ING5: variants seen among roughly 807,000 people sequenced by gnomAD.
ING5 encodes the protein inhibitor of growth family member 5.
A neutral mutation model predicts 37.4 loss-of-function variants in ING5; 17 were observed. That is an observed-to-expected ratio of 0.45 (90% CI 0.31 to 0.68). The LOEUF is 0.68. Ranked by LOEUF, ING5 falls within the 30% of genes least tolerant of loss-of-function variation. The probability of loss-of-function intolerance (pLI) is 0.05; values close to 1 mark genes in which losing one functional copy is unlikely to be tolerated. For synonymous variants in ING5, 123 were observed against 116.6 expected (o/e 1.06, Z -0.36); for missense variants, 233 against 311.9 (o/e 0.75, Z 1.91).
intron 5 of ING5, 78 bp from the exon 6 acceptor site, chr2:241,722,861 A>G: frequency 1.3e-6 from 2 of 1,586,014 alleles, no homozygotes; most frequent in Non-Finnish European, 1.7e-6. Context: ...TAAGTCAGAG[A>G]CAGAAGGGCC....
chr2:241,721,645 A>G, intron 5 of ING5: 1 of 985,466 alleles, frequency 1.0e-6, no homozygotes, highest in Non-Finnish European at 1.2e-6. Flanking sequence ...CCTCCTGCTA[A>G]CCTGCTGTGT....
At chr2:241,719,841 G>A (rs1356103576) in intron 5 of ING5, 4 of 1,405,672 alleles carry the variant, frequency 2.8e-6, no homozygotes, top group Admixed American at 3.0e-5. Flanking sequence ...CGGAGCCTGG[G>A]AGCTCAGCGC....
rs2070398122 is a variant in ING5, at chr2:241,720,286, C to T, written c.483-2653C>T. 3 of 1,227,646 alleles carry T rather than the reference C, an allele frequency of 2.4e-6. No homozygotes were observed. The African/African-American group carries it at 4.7e-5, about 19-fold the overall frequency. 76.0% of individuals were successfully genotyped at this position (1,227,646 alleles called of 1,614,324 possible). ...CCATCAGCACAGTGGGTATTCACGCCCCTCGTGGTCACGCTGTGGTGCCAG... is the reference window on the plus strand; with the variant it reads ...CCATCAGCACAGTGGGTATTCACGCTCCTCGTGGTCACGCTGTGGTGCCAG... On this transcript the variant is annotated intron_variant, in intron 5 of 7. Coordinates refer to ENST00000313552, the MANE Select transcript of ING5 (RefSeq NM_032329.6).
At position 241,719,651 on chromosome 2, in the gene ING5, C is replaced by T. The variant is rs995541485; in HGVS notation, c.483-3288C>T. ...AAGGAATGCAGGCACTGGGGGTCCT[C>T]GTGGGGGTGAAGGAGACTCCAGCTC... On this transcript the variant is annotated intron_variant, in intron 5 of 7. Coordinates refer to ENST00000313552, the MANE Select transcript of ING5 (RefSeq NM_032329.6). The T allele has an allele frequency of 2.5e-5, 38 of 1,535,090 alleles. No individual in the cohort carries two copies. In the Admixed American group the frequency reaches 4.3e-4, roughly 17 times the overall value.
At chr2:241,701,928 G>A (rs1202878954), upstream of ING5, 10 of 405,452 alleles carry the variant, frequency 2.5e-5, no homozygotes, top group Middle Eastern at 7.0e-4. Flanking sequence ...GAAGCTGAAA[G>A]GCGTGTCCGA....
rs996810737 is a variant in ING5, at chr2:241,702,233, G to C, written c.37+131G>C. On this transcript the variant is annotated intron_variant, in intron 1 of 7. Coordinates refer to ENST00000313552, the MANE Select transcript of ING5 (RefSeq NM_032329.6). ...GCGGCGGGCGCGGCCGGGCGCGACG[G>C]GGGGCGCGCGGACGGGGCGGGGCAG... 9 of 236,370 alleles carry C rather than the reference G, an allele frequency of 3.8e-5. No individual in the cohort carries two copies. The East Asian group carries it at 9.0e-4, about 24-fold the overall frequency. 14.6% of individuals were successfully genotyped at this position (236,370 alleles called of 1,614,324 possible). A position where few individuals can be genotyped will look rare whatever the true frequency, so the allele number is the denominator to read the frequency against.
intron 1 of ING5, among the ~76,000 whole-genome samples, chr2:241,704,166 C>T (rs977953146): frequency 6.6e-6 from 1 of 152,192 alleles, no homozygotes; most frequent in African/African-American, 2.4e-5. Context: ...GTGCACACAG[C>T]CTCTTGTCAG....
intron 5 of ING5, among the ~76,000 whole-genome samples, chr2:241,714,821 T>G (rs939622428): frequency 6.6e-6 from 1 of 152,018 alleles, no homozygotes; most frequent in Admixed American, 6.6e-5. Context: ...GTCTCAAACA[T>G]CTGGGCTCAA....
At chr2:241,700,956 ATTTT>A (rs60064812), upstream of ING5, among the ~76,000 whole-genome samples, 31 of 140,448 alleles carry the variant, frequency 2.2e-4, no homozygotes, top group Admixed American at 3.7e-4. Flanking sequence ...TTTCTCCAGT[ATTTT>A]TTTTTTCTTA....
chr2:241,720,427 T>C, intron 5 of ING5: 1 of 1,090,144 alleles, frequency 9.2e-7, no homozygotes, highest in Non-Finnish European at 1.1e-6. Context: ...GGGCTCTTCC[T>C]GGAATGCAGT....
At chr2:241,696,333 A>G (rs2069629727) in intron 2 of ING5, among the ~76,000 whole-genome samples, 1 of 151,956 alleles carries the variant, frequency 6.6e-6, no homozygotes, top group Admixed American at 6.6e-5. Flanking sequence ...GGAGGTTGCA[A>G]CAAGCCGGGA....
chr2:241,726,354 C>T lies in ING5; in HGVS notation c.*1323C>T, dbSNP rs1302787599. On this transcript the variant is annotated 3_prime_UTR_variant, in exon 8 of 8. Transcript: ENST00000313552. ...TCTGATGGCTACATCTGTATCTTTT[C>T]CTCCTGTGTTTAATGTTTCACTAGG... The T allele has an allele frequency of 2.0e-5, 3 of 152,234 alleles. No homozygotes were observed. Among genetic ancestry groups the T allele is most frequent in the Admixed American group, 1.3e-4 (2 of 15,290 alleles). 9.4% of individuals were successfully genotyped at this position (152,234 alleles called of 1,614,324 possible). A position where few individuals can be genotyped will look rare whatever the true frequency, so the allele number is the denominator to read the frequency against.
At chr2:241,700,193 G>A (rs943929255), upstream of ING5, among the ~76,000 whole-genome samples, 10 of 121,238 alleles carry the variant, frequency 8.2e-5, no homozygotes, top group Non-Finnish European at 1.3e-4. Flanking sequence ...GTGTTGCTCT[G>A]TCGCCCAGGC....
chr2:241,724,099 G>A lies in ING5; in HGVS notation c.680+828G>A, dbSNP rs902064611. 5 of 1,308,090 alleles carry A rather than the reference G, an allele frequency of 3.8e-6. No homozygotes were observed. The African/African-American group carries it at 7.5e-5, about 20-fold the overall frequency. The allele number at this position is 1,308,090 out of a possible 1,614,324, so 81.0% of individuals were successfully genotyped here. ...TATCTATGTTCTGAAAATGAAATCGGAATGTGCTCTTCTGTGTGGCACTCA... is the reference window on the plus strand; with the variant it reads ...TATCTATGTTCTGAAAATGAAATCGAAATGTGCTCTTCTGTGTGGCACTCA... On this transcript the variant is annotated intron_variant, in intron 7 of 7. Transcript: ENST00000313552.
intron 2 of ING5, among the ~76,000 whole-genome samples, chr2:241,696,506 C>T (rs1423539261): frequency 6.6e-6 from 1 of 152,052 alleles, no homozygotes; most frequent in Admixed American, 6.6e-5. Context: ...GGCAAAAGTG[C>T]TGGGTGCGGT....
upstream of ING5, among the ~76,000 whole-genome samples, chr2:241,700,241 C>T (rs1267486163): frequency 2.7e-5 from 4 of 149,542 alleles, no homozygotes; most frequent in Non-Finnish European, 5.9e-5. Flanking sequence ...ACCGCAAGCT[C>T]AGCCTCCCGG....
chr2:241,705,242 T>C (rs1397141474), intron 2 of ING5, among the ~76,000 whole-genome samples: 2 of 148,420 alleles, frequency 1.3e-5, no homozygotes, highest in African/African-American at 4.9e-5. Flanking sequence ...GCCTGGCTAA[T>C]TTTTTTTTTG....
chr2:241,716,719 C>A (rs1342906658), intron 5 of ING5, among the ~76,000 whole-genome samples: 1 of 152,142 alleles, frequency 6.6e-6, no homozygotes, highest in Non-Finnish European at 1.5e-5. Context: ...CATTTCCTGC[C>A]TTTGTGCTGT....
intron 3 of ING5, among the ~76,000 whole-genome samples, chr2:241,709,772 A>G (rs2070049873): frequency 6.6e-6 from 1 of 150,750 alleles, no homozygotes; most frequent in Non-Finnish European, 1.5e-5. Flanking sequence ...ACACCCAGCT[A>G]ATTTTTATAT....
Sources: allele counts gnomAD v4.1 joint callset (sites outside exome capture counted in the v4.1 genomes callset), GRCh38; gene constraint gnomAD v4.1.1; transcripts MANE v1.5; gene names NCBI Gene and HGNC (gene_info 2026-07-23, HGNC 2026-07-21).